SLCO3A1: variants seen among roughly 807,000 people sequenced by gnomAD.
SLCO3A1 encodes the protein PGE1 transporter.
A neutral mutation model predicts 63.1 loss-of-function variants in SLCO3A1; 27 were observed. That is an observed-to-expected ratio of 0.43 (90% CI 0.32 to 0.59). The LOEUF is 0.59. SLCO3A1 is among the 20% of genes least tolerant of loss of function. SLCO3A1 has a pLI of 0.09. For missense variants in SLCO3A1, 773 were observed against 945.8 expected, an observed-to-expected ratio of 0.82 and a Z score of 2.40; for synonymous variants, 473 against 409.9, an observed-to-expected ratio of 1.15 and a Z score of -1.86.
In SLCO3A1 at chr15:92,078,963, T is replaced by C. The variant is rs1057334558; in HGVS notation, c.647-15918T>C. On this transcript the variant is annotated intron_variant, in intron 2 of 9. Coordinates refer to ENST00000318445, the MANE Select transcript of SLCO3A1 (RefSeq NM_013272.4). ...GTGACTCATCTGCCATACTCGAGCT[T>C]GCGCCCTGTGAGAAACAGTTTATCT... Among the ~76,000 whole-genome samples, 10 of 152,320 alleles carry C rather than the reference T, an allele frequency of 6.6e-5. No homozygotes were observed. The South Asian group carries it at 2.1e-3, about 32-fold the overall frequency.
At chr15:91,956,202 G>T (rs1190636529) in intron 2 of SLCO3A1, among the ~76,000 whole-genome samples, 1 of 152,142 alleles carries the variant, frequency 6.6e-6, no homozygotes, top group Non-Finnish European at 1.5e-5. Flanking sequence ...AGGCTGGTTG[G>T]TTTCTGGCGT....
At chr15:91,965,680 CTT>C in intron 2 of SLCO3A1, among the ~76,000 whole-genome samples, 1 of 152,004 alleles carries the variant, frequency 6.6e-6, no homozygotes, top group African/African-American at 2.4e-5. Flanking sequence ...CCAAAGGAAT[CTT>C]TTGTCTACAG....
rs141733878 is a variant in SLCO3A1, at chr15:91,982,097, G to T, written c.646+65639G>T. The stretch of plus-strand genomic sequence containing the variant: ...TGCTTCAGCCAGCATGCCAGATTCT[G>T]GCCCTCAGGCAGCTGCCCAAAGAGC... On this transcript the variant is annotated intron_variant, in intron 2 of 9. Coordinates refer to ENST00000318445, the MANE Select transcript of SLCO3A1 (RefSeq NM_013272.4). Among the ~76,000 whole-genome samples, 323 of 152,386 alleles carry T rather than the reference G, an allele frequency of 2.1e-3. 1 individual carries two copies. The highest frequency in any genetic ancestry group is 6.8e-3 in the African/African-American group (283 of 41,602).
At chr15:91,989,875 A>G (rs772683243) in intron 2 of SLCO3A1, among the ~76,000 whole-genome samples, 9 of 152,244 alleles carry the variant, frequency 5.9e-5, no homozygotes, top group Non-Finnish European at 1.3e-4. Flanking sequence ...CAGTTCTAAC[A>G]TAATCACTTG....
At chr15:91,957,030 TATA>T (rs1567037297) in intron 2 of SLCO3A1, among the ~76,000 whole-genome samples, 3 of 17,212 alleles carry the variant, frequency 1.7e-4, no homozygotes, top group African/African-American at 1.4e-3. Context: ...ATATATAATA[TATA>T]ATATATAGTA....
chr15:91,972,750 G>T (rs1193774088), intron 2 of SLCO3A1, among the ~76,000 whole-genome samples: 2 of 152,164 alleles, frequency 1.3e-5, no homozygotes, highest in Admixed American at 6.5e-5. Context: ...CGTGGCCTCT[G>T]GTGTGGTTCC....
chr15:92,098,028 G>A (rs1406032106), intron 3 of SLCO3A1: 1 of 152,280 alleles, frequency 6.6e-6, no homozygotes, highest in Non-Finnish European at 1.5e-5. Flanking sequence ...CACACACGTG[G>A]ACACATGTTT....
At chr15:92,128,992 T>G (rs2047960487) in intron 7 of SLCO3A1, among the ~76,000 whole-genome samples, 1 of 151,992 alleles carries the variant, frequency 6.6e-6, no homozygotes, top group South Asian at 2.1e-4. Context: ...TGGGAGGAGG[T>G]GGGTTGCTTT....
intron 2 of SLCO3A1, among the ~76,000 whole-genome samples, chr15:92,039,865 A>G (rs4499213): frequency 6.6e-6 from 1 of 152,076 alleles, no homozygotes; most frequent in Non-Finnish European, 1.5e-5. Flanking sequence ...ACATATACAC[A>G]GTGGAATACC....
At chr15:92,071,427 T>C (rs962985615) in intron 2 of SLCO3A1, among the ~76,000 whole-genome samples, 2 of 152,204 alleles carry the variant, frequency 1.3e-5, no homozygotes, top group African/African-American at 4.8e-5. Flanking sequence ...TAGTTTGGAC[T>C]TGGAAACAGA....
intron 2 of SLCO3A1, among the ~76,000 whole-genome samples, chr15:91,921,957 A>T (rs1287496578): frequency 6.6e-6 from 1 of 151,122 alleles, no homozygotes; most frequent in African/African-American, 2.4e-5. Context: ...CTGCTCTCGA[A>T]CTCCTGACCT....
chr15:91,902,196 A>T (rs1024300503), intron 1 of SLCO3A1, among the ~76,000 whole-genome samples: 20 of 151,678 alleles, frequency 1.3e-4, no homozygotes, highest in Non-Finnish European at 1.6e-4. Flanking sequence ...TATTTTCTGT[A>T]TCTCTTTTTT....
chr15:92,054,216 CT>C (rs1478638357), intron 2 of SLCO3A1, among the ~76,000 whole-genome samples: 2 of 152,194 alleles, frequency 1.3e-5, no homozygotes, highest in Non-Finnish European at 2.9e-5. Flanking sequence ...TTTTTACTTT[CT>C]GGCTCTATGA....
chr15:92,102,767 G>A (rs1366386157), intron 3 of SLCO3A1, among the ~76,000 whole-genome samples: 6 of 152,154 alleles, frequency 3.9e-5, no homozygotes, highest in Admixed American at 6.6e-5. Context: ...ATGGCACAAA[G>A]AGCAGGAATT....
intron 1 of SLCO3A1, among the ~76,000 whole-genome samples, chr15:91,877,640 G>T (rs35635011): frequency 0.18 from 27,298 of 152,118 alleles, 2,720 homozygotes; most frequent in Middle Eastern, 0.29. Context: ...TTTAGGGAAG[G>T]CCTTTGGGAA....
At position 91,880,393 on chromosome 15, in the gene SLCO3A1, C is replaced by CTGTG. The variant is rs1312987837; in HGVS notation, c.180+26306_180+26307insGTGT. 4.2e-3 allele frequency among the ~76,000 whole-genome samples: 188 copies of CTGTG among 44,706 alleles called. 2 individuals are homozygous for CTGTG. The highest frequency in any genetic ancestry group is 9.4e-3 in the African/African-American group (156 of 16,574). 29.3% of individuals were successfully genotyped at this position (44,706 alleles called of 152,430 possible). ...CCGGCACTCGTGCTTCTCTCTCTCT[C>CTGTG]TCTCTCTCTCTCTCTCTGTGTGTGT... On this transcript the variant is annotated intron_variant, in intron 1 of 9. Transcript: ENST00000318445.
At chr15:92,157,492 AT>A (rs201261449) in intron 9 of SLCO3A1, among the ~76,000 whole-genome samples, 8,960 of 141,098 alleles carry the variant, frequency 0.064, 577 homozygotes, top group African/African-American at 0.19. Flanking sequence ...ATGTGGAGAA[AT>A]TTTTTTTTTT....
At chr15:91,977,640 G>A (rs1901170043) in intron 2 of SLCO3A1, among the ~76,000 whole-genome samples, 1 of 152,108 alleles carries the variant, frequency 6.6e-6, no homozygotes, top group Admixed American at 6.5e-5. Context: ...GAGGGATAAA[G>A]GACTACATAT....
At chr15:92,045,790 C>T (rs1034390016) in intron 2 of SLCO3A1, among the ~76,000 whole-genome samples, 3 of 152,124 alleles carry the variant, frequency 2.0e-5, no homozygotes, top group Admixed American at 6.6e-5. Context: ...TCAGTATTTC[C>T]CTTTCTCACA....
Sources: gnomAD v4.1 joint callset for allele counts (sites outside exome capture counted in the v4.1 genomes callset) on GRCh38, gnomAD v4.1.1 for gene constraint, MANE v1.5 for transcripts, NCBI Gene and HGNC (gene_info 2026-07-23, HGNC 2026-07-21) for gene names.